The following LAMA2 variants were observed in gnomAD, a reference collection of about 807,000 sequenced individuals.
LAMA2 encodes the protein laminin subunit alpha 2, also known as laminin subunit alpha-2.
LAMA2 carries 269 observed loss-of-function variants against 364.8 expected under a neutral mutation model. That is an observed-to-expected ratio of 0.74 (90% CI 0.67 to 0.82). The LOEUF (loss-of-function observed/expected upper bound fraction) is 0.82. Among genes scored for constraint, LAMA2 ranks in the 40% least tolerant of loss-of-function variants. The pLI is 0.00. For missense variants in LAMA2, 3,807 were observed against 3,873.2 expected (o/e 0.98, Z 0.45); for synonymous variants, 1,379 against 1,370.6 (o/e 1.01, Z -0.14).
rs944672603 is a variant in LAMA2 at position 129,514,403 on chromosome 6, A to G, written c.9019A>G (p.Arg3007Gly). Residue 3007 changes from arginine to glycine, a missense_variant, in exon 64 of 65, where the codon AGA (arginine) becomes GGA (glycine). By Grantham distance (125) the Arg-to-Gly change is moderately radical. Transcript: ENST00000421865. ...GTTTCATGTGGACAATGGTGCGGGC[A>G]GATTCACTGCTGTCTATGATGCTGG... ...LMFHVDNGAG[R>G]FTAVYDAGVP... is the part of the protein sequence containing the mutation. The G allele has an allele frequency of 1.9e-6, 3 of 1,613,956 alleles. No individual in the cohort carries two copies. Among genetic ancestry groups the G allele is most frequent in the Non-Finnish European group, 2.5e-6 (3 of 1,179,878 alleles).
intron 58 of LAMA2, among the ~76,000 whole-genome samples, chr6:129,497,825 C>A (rs2114873923): frequency 6.6e-6 from 1 of 152,322 alleles, no homozygotes; most frequent in Admixed American, 6.5e-5. Flanking sequence ...TCATGTTGAA[C>A]ACGCTAGATT....
At position 129,460,329 on chromosome 6, in the gene LAMA2, G is replaced by A. The variant is rs1221715098; in HGVS notation, c.6992+5G>A. The stretch of plus-strand genomic sequence containing the variant: ...CTGCAAAGGATGCACTGTCAGGTTA[G>A]TTGAGATGAGAACTCTCCCAGGGTC... On this transcript the variant is annotated splice_donor_5th_base_variant and intron_variant, in intron 49 of 64. Transcript: ENST00000421865. 9.3e-6 allele frequency: 15 copies of A among 1,611,842 alleles called. No homozygotes were observed. Among genetic ancestry groups the A allele is most frequent in the Admixed American group, 1.7e-5 (1 of 59,872 alleles).
At chr6:129,514,299 C>T in intron 63 of LAMA2, 74 bp from the exon 64 acceptor site, 2 of 1,070,250 alleles carry the variant, frequency 1.9e-6, no homozygotes, top group South Asian at 2.6e-5. Context: ...GAGACCTGAT[C>T]ATTTGTATGT....
At chr6:129,411,465 G>A (rs934807872) in intron 40 of LAMA2, among the ~76,000 whole-genome samples, 2 of 152,128 alleles carry the variant, frequency 1.3e-5, no homozygotes, top group Non-Finnish European at 2.9e-5. Flanking sequence ...AAGGGGAGAA[G>A]CCTAGAAAAA....
intron 3 of LAMA2, among the ~76,000 whole-genome samples, chr6:129,093,144 G>A (rs989231203): frequency 1.6e-4 from 24 of 150,810 alleles, no homozygotes; most frequent in Admixed American, 4.0e-4. Flanking sequence ...CACCACCCCC[G>A]ACTAATTTTT....
At chr6:128,977,577 A>G (rs1782612828) in intron 1 of LAMA2, among the ~76,000 whole-genome samples, 1 of 151,552 alleles carries the variant, frequency 6.6e-6, no homozygotes, top group African/African-American at 2.4e-5. Flanking sequence ...TTTTTTTTTG[A>G]GAGATTCTTA....
At chr6:129,326,441 A>T (rs1387296549) in intron 28 of LAMA2, among the ~76,000 whole-genome samples, 2 of 152,072 alleles carry the variant, frequency 1.3e-5, no homozygotes, top group Non-Finnish European at 2.9e-5. Context: ...TTGGACCTAC[A>T]ACGCTAAACT....
intron 4 of LAMA2, among the ~76,000 whole-genome samples, chr6:129,111,957 A>C (rs1478962650): frequency 6.6e-6 from 1 of 152,022 alleles, no homozygotes; most frequent in African/African-American, 2.4e-5. Context: ...TTTGGCTCAC[A>C]GAATATAAAG....
Position 129,178,727 on chromosome 6 carries a change from T to C in LAMA2, c.1467+861T>C, listed in dbSNP as rs1222348442. On this transcript the variant is annotated intron_variant, in intron 10 of 64. Transcript: ENST00000421865. Reference sequence around the variant, plus strand: ...TTTTATTAACCTGTTAGTCTTATCTTGGCAGCTATAAAATATTATATAGTT... The same window carrying C: ...TTTTATTAACCTGTTAGTCTTATCTCGGCAGCTATAAAATATTATATAGTT... Among the ~76,000 whole-genome samples the C allele has an allele frequency of 2.6e-5, 4 of 152,268 alleles. No individual in the cohort carries two copies. The East Asian group carries it at 5.8e-4, about 22-fold the overall frequency.
chr6:129,162,114 A>G (rs1431640923), intron 8 of LAMA2, among the ~76,000 whole-genome samples: 1 of 152,142 alleles, frequency 6.6e-6, no homozygotes, highest in African/African-American at 2.4e-5. Flanking sequence ...TTACTTTCCC[A>G]CCAGCAGTGT....
intron 1 of LAMA2, among the ~76,000 whole-genome samples, chr6:128,997,353 A>AGAAT (rs989923541): frequency 0.016 from 360 of 22,294 alleles, 2 homozygotes; most frequent in Middle Eastern, 0.042. Flanking sequence ...AAAGAAAGAA[A>AGAAT]GAACGAAAGA....
intron 1 of LAMA2, among the ~76,000 whole-genome samples, chr6:129,013,025 C>T (rs1320458927): frequency 6.6e-6 from 1 of 152,170 alleles, no homozygotes; most frequent in Admixed American, 6.5e-5. Flanking sequence ...ATGAAACTCA[C>T]TTTTAGAGAT....
intron 45 of LAMA2, among the ~76,000 whole-genome samples, chr6:129,447,101 GA>G (rs1239236033): frequency 1.3e-5 from 2 of 152,198 alleles, no homozygotes; most frequent in Non-Finnish European, 2.9e-5. Flanking sequence ...AGCCAACATG[GA>G]AAAAGCCTCT....
At chr6:129,069,368 T>C (rs1181399386) in intron 3 of LAMA2, among the ~76,000 whole-genome samples, 1 of 149,024 alleles carries the variant, frequency 6.7e-6, no homozygotes, top group Non-Finnish European at 1.5e-5. Context: ...ATATTATGCT[T>C]ATGTATATCA....
At chr6:128,897,535 T>C (rs1776846948) in intron 1 of LAMA2, among the ~76,000 whole-genome samples, 1 of 152,230 alleles carries the variant, frequency 6.6e-6, no homozygotes, top group African/African-American at 2.4e-5. Flanking sequence ...CCTGGTCCAT[T>C]AATGGATATA....
At chr6:129,268,243 A>C (rs1000906221) in intron 16 of LAMA2, among the ~76,000 whole-genome samples, 1 of 152,050 alleles carries the variant, frequency 6.6e-6, no homozygotes, top group Admixed American at 6.6e-5. Flanking sequence ...TGAGAGCCTT[A>C]ATTTGTGGAT....
At chr6:129,330,591 G>GATT (rs1491387157) in intron 29 of LAMA2, among the ~76,000 whole-genome samples, 1 of 83,788 alleles carries the variant, frequency 1.2e-5, no homozygotes, top group South Asian at 4.3e-4. Flanking sequence ...GTTGTTGTTT[G>GATT]GTTTTTGTTT....
chr6:129,271,418 A>C (rs1787924586), intron 17 of LAMA2, among the ~76,000 whole-genome samples: 1 of 151,568 alleles, frequency 6.6e-6, no homozygotes, highest in Non-Finnish European at 1.5e-5. Context: ...GTAAACAGCT[A>C]AGCACACCCC....
At chr6:128,899,114 C>T (rs1776934789) in intron 1 of LAMA2, among the ~76,000 whole-genome samples, 1 of 152,074 alleles carries the variant, frequency 6.6e-6, no homozygotes, top group Non-Finnish European at 1.5e-5. Flanking sequence ...TGTTTGTCTC[C>T]CCAGACTGTT....
Sources: gnomAD v4.1 joint callset for allele counts (sites outside exome capture counted in the v4.1 genomes callset) on GRCh38, gnomAD v4.1.1 for gene constraint, MANE v1.5 for transcripts, NCBI Gene and HGNC (gene_info 2026-07-23, HGNC 2026-07-21) for gene names.